KCNH5: variants seen among roughly 807,000 people sequenced by gnomAD.
The protein encoded by KCNH5 is voltage-gated delayed rectifier potassium channel KCNH5.
KCNH5 carries 46 observed loss-of-function variants against 96.1 expected under a neutral mutation model. That is an observed-to-expected ratio of 0.48 (90% CI 0.38 to 0.61). The LOEUF is 0.61. Ranked by LOEUF, KCNH5 falls within the 20% of genes least tolerant of loss-of-function variation. KCNH5 has a pLI of 0.00. For missense variants in KCNH5, 907 were observed against 1,225.8 expected, an observed-to-expected ratio of 0.74 and a Z score of 3.88; for synonymous variants, 439 against 449.8, an observed-to-expected ratio of 0.98 and a Z score of 0.30.
intron 7 of KCNH5, among the ~76,000 whole-genome samples, chr14:62,896,044 A>C (rs1422705556): frequency 2.6e-5 from 4 of 152,218 alleles, no homozygotes; most frequent in Non-Finnish European, 1.5e-5. Flanking sequence ...AAATGATGAA[A>C]ATTTCTACTG....
At chr14:62,742,542 T>C (rs1217966063) in intron 10 of KCNH5, among the ~76,000 whole-genome samples, 1 of 152,186 alleles carries the variant, frequency 6.6e-6, no homozygotes, top group Non-Finnish European at 1.5e-5. Flanking sequence ...TAAATTAGAA[T>C]CTCTAGGGCT....
chr14:62,934,536 A>G (rs1192458276), intron 7 of KCNH5, among the ~76,000 whole-genome samples: 1 of 152,170 alleles, frequency 6.6e-6, no homozygotes, highest in Non-Finnish European at 1.5e-5. Flanking sequence ...AGGCCTCAGC[A>G]TGATCGAGGA....
rs562665297 is a variant in KCNH5 at position 62,765,319 on chromosome 14, T to C, written c.2019+14409A>G. On this transcript the variant is annotated intron_variant, in intron 10 of 10. Transcript: ENST00000322893. Reference sequence around the variant, plus strand: ...TAGTGCTAAGATAACTCGCTAGCCATATGCAGAAGACTAAAACTTGACCCT... The same window carrying C: ...TAGTGCTAAGATAACTCGCTAGCCACATGCAGAAGACTAAAACTTGACCCT... Among the ~76,000 whole-genome samples, 198 of 152,314 alleles carry C rather than the reference T, an allele frequency of 1.3e-3. 2 individuals carry two copies. Among genetic ancestry groups the C allele is most frequent in the Non-Finnish European group, 2.5e-3 (167 of 68,028 alleles).
At chr14:62,849,527 T>C (rs1264851470) in intron 8 of KCNH5, 126 bp downstream of exon 8, 13 of 713,624 alleles carry the variant, frequency 1.8e-5, no homozygotes, top group Non-Finnish European at 2.8e-5. Flanking sequence ...TTGACTGATA[T>C]GTCACTTACA....
At chr14:62,889,533 G>A (rs770903427) in intron 7 of KCNH5, among the ~76,000 whole-genome samples, 8 of 152,198 alleles carry the variant, frequency 5.3e-5, no homozygotes, top group South Asian at 2.1e-4. Flanking sequence ...GAGAGCAGCC[G>A]ATGAGCACAT....
rs146012715 is a variant in KCNH5, at chr14:63,017,610, T to G, written c.74-656A>C. ...AAAGTAGGTTTGCTTTTGTATAAAT[T>G]AATATAAAATGATTGAAAATCCAAT... On this transcript the variant is annotated intron_variant, in intron 1 of 10. Coordinates refer to ENST00000322893, the MANE Select transcript of KCNH5 (RefSeq NM_139318.5). Among the ~76,000 whole-genome samples, 192 of 151,888 alleles carry G rather than the reference T, an allele frequency of 1.3e-3. 6 individuals carry two copies. Among genetic ancestry groups the G allele is most frequent in the Admixed American group, 8.9e-3 (136 of 15,228 alleles).
intron 7 of KCNH5, among the ~76,000 whole-genome samples, chr14:62,888,885 C>G (rs1049000761): frequency 2.0e-5 from 3 of 152,194 alleles, no homozygotes; most frequent in African/African-American, 7.2e-5. Context: ...GTTCACTTAT[C>G]TAAGCATTTA....
At chr14:62,912,399 T>A (rs1371042646) in intron 7 of KCNH5, among the ~76,000 whole-genome samples, 1 of 152,058 alleles carries the variant, frequency 6.6e-6, no homozygotes, top group Non-Finnish European at 1.5e-5. Flanking sequence ...TTTACTTCCT[T>A]CTATATCTTG....
At chr14:62,833,364 C>T (rs1342577030) in intron 8 of KCNH5, among the ~76,000 whole-genome samples, 1 of 151,718 alleles carries the variant, frequency 6.6e-6, no homozygotes, top group Non-Finnish European at 1.5e-5. Flanking sequence ...TATGGATATC[C>T]AGCTTTCCCA....
chr14:62,815,816 A>G (rs1046994174), intron 8 of KCNH5, among the ~76,000 whole-genome samples: 3 of 152,022 alleles, frequency 2.0e-5, no homozygotes, highest in African/African-American at 4.8e-5. Flanking sequence ...TCCAATAGAG[A>G]GAGCAAAGTA....
chr14:62,742,283 A>C (rs1209788416), intron 10 of KCNH5, among the ~76,000 whole-genome samples: 1 of 152,250 alleles, frequency 6.6e-6, no homozygotes, highest in Admixed American at 6.5e-5. Context: ...AACATAATTA[A>C]ATTTTAATAG....
chr14:62,757,972 C>A (rs778898236), intron 10 of KCNH5, among the ~76,000 whole-genome samples: 2 of 151,916 alleles, frequency 1.3e-5, no homozygotes, highest in Non-Finnish European at 2.9e-5. Flanking sequence ...ATGGCAAAAC[C>A]CCCTTTCTAC....
intron 5 of KCNH5, among the ~76,000 whole-genome samples, chr14:62,985,332 G>A (rs1205648096): frequency 6.6e-6 from 1 of 152,034 alleles, no homozygotes; most frequent in Non-Finnish European, 1.5e-5. Context: ...GTTAGCCATG[G>A]TCTAAGAAAA....
chr14:62,776,824 T>G (rs1340412436), intron 10 of KCNH5, among the ~76,000 whole-genome samples: 1 of 152,136 alleles, frequency 6.6e-6, no homozygotes, highest in Non-Finnish European at 1.5e-5. Context: ...TTAATGGAGA[T>G]GAAGGCAAGC....
intron 1 of KCNH5, among the ~76,000 whole-genome samples, chr14:63,039,390 C>T (rs1046187134): frequency 6.6e-6 from 1 of 151,914 alleles, no homozygotes; most frequent in Non-Finnish European, 1.5e-5. Context: ...ACTAGGATTA[C>T]ATAACATCCT....
chr14:62,863,591 T>TAAA (rs954571106), intron 7 of KCNH5, among the ~76,000 whole-genome samples: 1 of 152,182 alleles, frequency 6.6e-6, no homozygotes, highest in Non-Finnish European at 1.5e-5. Flanking sequence ...AAGTATAGAT[T>TAAA]AAAAGTTCAA....
rs113091774 is a variant in KCNH5, at chr14:62,922,209, C to T, written c.1369+27924G>A. On this transcript the variant is annotated intron_variant, in intron 7 of 10. Transcript: ENST00000322893. ...TTACTTGATTTTTTTAATCCTTAGA[C>T]GTAGATAACTGCATTTATATCTATA... Among the ~76,000 whole-genome samples, 801 of 152,060 alleles carry T rather than the reference C, an allele frequency of 5.3e-3. 4 individuals carry two copies. Among genetic ancestry groups the T allele is most frequent in the Non-Finnish European group, 8.3e-3 (562 of 67,964 alleles).
chr14:62,966,671 C>T (rs764956918), intron 6 of KCNH5, among the ~76,000 whole-genome samples: 16 of 152,142 alleles, frequency 1.1e-4, no homozygotes, highest in Admixed American at 2.0e-4. Flanking sequence ...TTTTATTACA[C>T]GAACTTTGCA....
intron 9 of KCNH5, among the ~76,000 whole-genome samples, chr14:62,785,618 A>G (rs1595621519): frequency 1.3e-5 from 2 of 152,180 alleles, no homozygotes; most frequent in South Asian, 2.1e-4. Flanking sequence ...ATATTTTCTC[A>G]GTTCTTTTCA....
Sources: gnomAD v4.1 joint callset for allele counts (sites outside exome capture counted in the v4.1 genomes callset) on GRCh38, gnomAD v4.1.1 for gene constraint, MANE v1.5 for transcripts, NCBI Gene and HGNC (gene_info 2026-07-23, HGNC 2026-07-21) for gene names.